SLC14A2: variants seen among roughly 807,000 people sequenced by gnomAD.
The protein encoded by SLC14A2 is solute carrier family 14 member 2.
Under a neutral mutation model 104.6 loss-of-function variants are expected in SLC14A2, and 91 were observed. The ratio of observed to expected loss-of-function variants is 0.87; its 90% CI spans 0.73 to 1.04. The LOEUF is 1.04. SLC14A2 is among the 50% of genes least tolerant of loss of function. The pLI is 0.00. For synonymous variants in SLC14A2, 476 were observed against 466.4 expected, an observed-to-expected ratio of 1.02 and a Z score of -0.27; for missense variants, 1,189 against 1,156.0, an observed-to-expected ratio of 1.03 and a Z score of -0.41.
intron 10 of SLC14A2, among the ~76,000 whole-genome samples, chr18:45,661,449 G>T (rs997183743): frequency 6.6e-6 from 1 of 152,208 alleles, no homozygotes; most frequent in Non-Finnish European, 1.5e-5. Context: ...ACAGGTCTGT[G>T]CCTTTCGATA....
At chr18:45,494,921 C>T (rs1304281218) in intron 2 of SLC14A2, among the ~76,000 whole-genome samples, 1 of 150,138 alleles carries the variant, frequency 6.7e-6, no homozygotes, top group Non-Finnish European at 1.5e-5. Context: ...CACATACACA[C>T]ACACACACAC....
intron 2 of SLC14A2, among the ~76,000 whole-genome samples, chr18:45,518,735 C>A (rs2043476011): frequency 6.6e-6 from 1 of 152,146 alleles, no homozygotes; most frequent in African/African-American, 2.4e-5. Flanking sequence ...ATCTAGGTGA[C>A]TAAAATTGAA....
intron 1 of SLC14A2, among the ~76,000 whole-genome samples, chr18:45,241,447 C>A (rs1291474395): frequency 6.6e-6 from 1 of 151,870 alleles, no homozygotes; most frequent in African/African-American, 2.4e-5. Context: ...AACAAAAGGC[C>A]CTTTGTAGAT....
chr18:45,631,401 AAAGG>A (rs2144523856), intron 4 of SLC14A2, among the ~76,000 whole-genome samples: 1 of 152,294 alleles, frequency 6.6e-6, no homozygotes, highest in African/African-American at 2.4e-5. Flanking sequence ...GAGCAATTAG[AAAGG>A]TCAAGGACAG....
At chr18:45,505,555 C>G (rs1598933801) in intron 2 of SLC14A2, among the ~76,000 whole-genome samples, 1 of 152,118 alleles carries the variant, frequency 6.6e-6, no homozygotes, top group African/African-American at 2.4e-5. Context: ...CCCCACATAC[C>G]TCACCCCAGA....
chr18:45,196,075 T>A, the SLC14A2 span, among the ~76,000 whole-genome samples: 1 of 152,192 alleles, frequency 6.6e-6, no homozygotes. Flanking sequence ...ACAGTTCGGC[T>A]TTTGCCTTAT....
At chr18:45,676,488 C>T (rs1226764098) in intron 18 of SLC14A2, among the ~76,000 whole-genome samples, 1 of 152,142 alleles carries the variant, frequency 6.6e-6, no homozygotes, top group Non-Finnish European at 1.5e-5. Flanking sequence ...CTTAAATGCC[C>T]AATTTATGTC....
intron 2 of SLC14A2, among the ~76,000 whole-genome samples, chr18:45,587,251 A>G (rs2044580177): frequency 6.6e-6 from 1 of 152,216 alleles, no homozygotes; most frequent in Non-Finnish European, 1.5e-5. Flanking sequence ...CTGGGATTAC[A>G]GACATGAGCC....
At chr18:45,522,791 T>C (rs1208818810) in intron 2 of SLC14A2, among the ~76,000 whole-genome samples, 2 of 152,140 alleles carry the variant, frequency 1.3e-5, no homozygotes, top group African/African-American at 2.4e-5. Flanking sequence ...CTCATTGGAT[T>C]CCCCAATTCT....
rs1599149216 is a variant in SLC14A2 at position 45,666,812 on chromosome 18, A to C, written c.1558-123A>C. On this transcript the variant is annotated intron_variant, in intron 12 of 19. Coordinates refer to ENST00000255226, the MANE Select transcript of SLC14A2 (RefSeq NM_007163.4). ...CTAATCTACAGAAACAGGGAGGTTA[A>C]ACAGCAATTTAATGAAATACCAAAT... 6 of 788,074 alleles carry C rather than the reference A, an allele frequency of 7.6e-6. No homozygotes were observed. The South Asian group carries it at 1.1e-4, about 14-fold the overall frequency. The allele number at this position is 788,074 out of a possible 1,614,324, so 48.8% of individuals were successfully genotyped here.
At chr18:45,223,885 G>T (rs1437997727) in intron 1 of SLC14A2, among the ~76,000 whole-genome samples, 1 of 152,188 alleles carries the variant, frequency 6.6e-6, no homozygotes, top group Non-Finnish European at 1.5e-5. Context: ...TTTGTGAGGT[G>T]CTCCTTTGAT....
intron 10 of SLC14A2, chr18:45,646,974 A>C (rs1051916018): frequency 6.6e-6 from 1 of 152,220 alleles, no homozygotes; most frequent in Admixed American, 6.5e-5. Flanking sequence ...CAATCATTAA[A>C]GATGTGTCAG....
chr18:45,340,533 A>G (rs559106783), intron 1 of SLC14A2, among the ~76,000 whole-genome samples: 1 of 152,230 alleles, frequency 6.6e-6, no homozygotes, highest in African/African-American at 2.4e-5. Context: ...ATCGGAGTCC[A>G]TCATAGAATG....
intron 2 of SLC14A2, among the ~76,000 whole-genome samples, chr18:45,605,450 C>A (rs2044853143): frequency 6.6e-6 from 1 of 152,144 alleles, no homozygotes; most frequent in African/African-American, 2.4e-5. Context: ...GGACTTTTGA[C>A]CTCCCGGGGG....
At chr18:45,334,496 A>G (rs1159172454) in intron 1 of SLC14A2, among the ~76,000 whole-genome samples, 1 of 152,204 alleles carries the variant, frequency 6.6e-6, no homozygotes, top group Admixed American at 6.5e-5. Context: ...CCTGAAGAAT[A>G]AGAAAGAAAG....
chr18:45,276,655 A>G (rs977926718), intron 1 of SLC14A2, among the ~76,000 whole-genome samples: 7 of 152,240 alleles, frequency 4.6e-5, no homozygotes, highest in African/African-American at 1.4e-4. Flanking sequence ...GAGTTAGAAT[A>G]CAATTTGGAA....
intron 1 of SLC14A2, among the ~76,000 whole-genome samples, chr18:45,287,159 G>T (rs1003439970): frequency 6.6e-6 from 1 of 152,220 alleles, no homozygotes; most frequent in Non-Finnish European, 1.5e-5. Flanking sequence ...GTTGTGTGTT[G>T]TTCCTGTTTG....
intron 1 of SLC14A2, among the ~76,000 whole-genome samples, chr18:45,396,260 T>G (rs1472935938): frequency 6.6e-6 from 1 of 152,172 alleles, no homozygotes; most frequent in Non-Finnish European, 1.5e-5. Context: ...TCTTCCCAGA[T>G]CTGTGTGATC....
At chr18:45,538,875 T>C (rs1201855225) in intron 2 of SLC14A2, among the ~76,000 whole-genome samples, 2 of 145,294 alleles carry the variant, frequency 1.4e-5, no homozygotes, top group African/African-American at 5.1e-5. Context: ...TTTTTTTGCT[T>C]GCTTTCTTTC....
Sources: gnomAD v4.1 joint callset for allele counts (sites outside exome capture counted in the v4.1 genomes callset) on GRCh38, gnomAD v4.1.1 for gene constraint, MANE v1.5 for transcripts, NCBI Gene and HGNC (gene_info 2026-07-23, HGNC 2026-07-21) for gene names.